IP6K1: variants seen among roughly 807,000 people sequenced by gnomAD.
The protein encoded by IP6K1 is ATP:1D-myo-inositol-hexakisphosphate phosphotransferase.
IP6K1 carries 13 observed loss-of-function variants against 38.3 expected under a neutral mutation model. The observed-to-expected ratio is 0.34, with a 90% CI of 0.22 to 0.54. The LOEUF is 0.54. Among genes scored for constraint, IP6K1 ranks in the 20% least tolerant of loss-of-function variants. IP6K1 has a pLI of 0.92. For missense variants in IP6K1, 397 were observed against 599.8 expected (o/e 0.66, Z 3.53); for synonymous variants, 212 against 229.9 (o/e 0.92, Z 0.70).
rs533483075 is a variant in IP6K1, at chr3:49,775,635, C to T, written c.-129+10719G>A. 6 of 786,810 alleles carry T rather than the reference C, an allele frequency of 7.6e-6. No homozygotes were observed. In the East Asian group the frequency reaches 1.7e-4, roughly 22 times the overall value. 48.7% of individuals were successfully genotyped at this position (786,810 alleles called of 1,614,324 possible). A position where few individuals can be genotyped will look rare whatever the true frequency, so the allele number is the denominator to read the frequency against. ...GGTGATTGGTGGGTGGCCCCTTCCT[C>T]CCCACAACATCAAGCTGCTGCAGCG... On this transcript the variant is annotated intron_variant, in intron 1 of 5. Coordinates refer to ENST00000321599, the MANE Select transcript of IP6K1 (RefSeq NM_153273.4).
chr3:49,739,620 T>C (rs1273155111), intron 2 of IP6K1, among the ~76,000 whole-genome samples: 1 of 152,138 alleles, frequency 6.6e-6, no homozygotes, highest in African/African-American at 2.4e-5. Flanking sequence ...CCCAAAGTGC[T>C]GGGATTACAG....
At chr3:49,767,472 C>T (rs1423285264) in intron 1 of IP6K1, among the ~76,000 whole-genome samples, 2 of 151,650 alleles carry the variant, frequency 1.3e-5, no homozygotes, top group Non-Finnish European at 2.9e-5. Flanking sequence ...CCCAGGTACT[C>T]GGGGGGCTAA....
chr3:49,766,089 T>C (rs1348131020), intron 1 of IP6K1, among the ~76,000 whole-genome samples: 2 of 151,786 alleles, frequency 1.3e-5, no homozygotes, highest in Non-Finnish European at 2.9e-5. Context: ...GGCAGGAGAA[T>C]GGTGTCAATC....
intron 1 of IP6K1, among the ~76,000 whole-genome samples, chr3:49,779,194 A>G (rs1473012631): frequency 2.6e-5 from 4 of 152,130 alleles, no homozygotes; most frequent in African/African-American, 9.7e-5. Context: ...AGAATTGCCT[A>G]TTCTGGATAT....
intron 1 of IP6K1, among the ~76,000 whole-genome samples, chr3:49,768,103 C>A (rs1468877480): frequency 1.3e-5 from 2 of 151,500 alleles, no homozygotes; most frequent in Non-Finnish European, 2.9e-5. Context: ...TTGTGCACTG[C>A]TGGTGAGAAT....
intron 1 of IP6K1, chr3:49,775,626 C>A: frequency 2.4e-6 from 2 of 846,398 alleles, no homozygotes; most frequent in South Asian, 2.5e-5. Context: ...TGGTGGGTGG[C>A]CCCTTCCTCC....
chr3:49,750,805 A>G lies in IP6K1; in HGVS notation c.-128-2637T>C, dbSNP rs1371853678. On this transcript the variant is annotated intron_variant, in intron 1 of 5. Coordinates refer to ENST00000321599, the MANE Select transcript of IP6K1 (RefSeq NM_153273.4). ...GAGGGCAGAGTCCACTCTTCAGTCT[A>G]TCTAGACATTTGGTATTTGTTTCCA... Among the ~76,000 whole-genome samples the G allele has an allele frequency of 2.6e-5, 4 of 152,188 alleles. No homozygotes were observed. The East Asian group carries it at 7.7e-4, about 29-fold the overall frequency.
At position 49,778,140 on chromosome 3, in the gene IP6K1, A is replaced by G. The variant is rs969109137; in HGVS notation, c.-129+8214T>C. ...GGAGATCGAGACCATCCTGGCCAAC[A>G]TGGTGAAACCCCGTCTGTACTAAAA... On this transcript the variant is annotated intron_variant, in intron 1 of 5. Transcript: ENST00000321599. Among the ~76,000 whole-genome samples the G allele has an allele frequency of 1.1e-4, 16 of 151,852 alleles. 1 individual carries two copies. Among genetic ancestry groups the G allele is most frequent in the Admixed American group, 9.9e-4 (15 of 15,214 alleles).
At chr3:49,775,722 G>A in intron 1 of IP6K1, 1 of 380,580 alleles carries the variant, frequency 2.6e-6, no homozygotes, top group Non-Finnish European at 4.8e-6. Flanking sequence ...ATCACCAGGA[G>A]TGCCTGCTAG....
At chr3:49,732,760 G>GAC in intron 4 of IP6K1, 31 bp downstream of exon 4, 1 of 1,586,790 alleles carries the variant, frequency 6.3e-7, no homozygotes, top group East Asian at 2.3e-5. Context: ...GGACCCAGTA[G>GAC]ACACTCCTGA....
At chr3:49,729,074 C>A (rs1227389155) in intron 4 of IP6K1, among the ~76,000 whole-genome samples, 1 of 151,846 alleles carries the variant, frequency 6.6e-6, no homozygotes, top group East Asian at 1.9e-4. Context: ...CCTGCTTGTA[C>A]CCATTAAATA....
chr3:49,765,478 T>TA (rs34207764), intron 1 of IP6K1, among the ~76,000 whole-genome samples: 46,017 of 108,176 alleles, frequency 0.43, 10,043 homozygotes, highest in African/African-American at 0.56. Flanking sequence ...TGTTTCTACT[T>TA]AAAAAAAAAA....
chr3:49,731,375 C>T (rs114743368), intron 4 of IP6K1, among the ~76,000 whole-genome samples: 258 of 152,272 alleles, frequency 1.7e-3, no homozygotes, highest in African/African-American at 6.1e-3. Flanking sequence ...TGATGATGAA[C>T]ATTTCATTCT....
intron 2 of IP6K1, among the ~76,000 whole-genome samples, chr3:49,743,180 A>G (rs982252433): frequency 2.0e-5 from 3 of 151,548 alleles, no homozygotes; most frequent in African/African-American, 7.3e-5. Context: ...AGTTCATACC[A>G]CTGCACTCTA....
intron 1 of IP6K1, among the ~76,000 whole-genome samples, chr3:49,754,237 G>A (rs1382584916): frequency 8.6e-5 from 13 of 151,952 alleles, no homozygotes; most frequent in Non-Finnish European, 1.6e-4. Context: ...TTAGCCAGGC[G>A]TGGTGGTGTA....
intron 1 of IP6K1, chr3:49,758,476 C>T (rs1433879892): frequency 1.3e-5 from 2 of 152,052 alleles, no homozygotes; most frequent in African/African-American, 4.8e-5. Context: ...CAGTAACTAC[C>T]ACAGCACGTC....
At chr3:49,742,409 CGTG>C (rs1268763884) in intron 2 of IP6K1, among the ~76,000 whole-genome samples, 1 of 152,008 alleles carries the variant, frequency 6.6e-6, no homozygotes, top group African/African-American at 2.4e-5. Flanking sequence ...ATTAGCCGGG[CGTG>C]GTGGTACACG....
At chr3:49,782,735 C>T (rs1184776098) in intron 1 of IP6K1, among the ~76,000 whole-genome samples, 1 of 150,554 alleles carries the variant, frequency 6.6e-6, no homozygotes, top group African/African-American at 2.4e-5. Flanking sequence ...CACTTGAGCC[C>T]AGGAGTTGGA....
At chr3:49,728,904 G>A (rs1200005245) in intron 4 of IP6K1, among the ~76,000 whole-genome samples, 1 of 151,186 alleles carries the variant, frequency 6.6e-6, no homozygotes, top group Non-Finnish European at 1.5e-5. Context: ...AAAATGAAAA[G>A]AGATCCTCTC....
Sources: allele counts gnomAD v4.1 joint callset (sites outside exome capture counted in the v4.1 genomes callset), GRCh38; gene constraint gnomAD v4.1.1; transcripts MANE v1.5; gene names NCBI Gene and HGNC (gene_info 2026-07-23, HGNC 2026-07-21).